The following TTC29 variants were observed in gnomAD, a reference collection of about 807,000 sequenced individuals.
TTC29 encodes the protein tetratricopeptide repeat protein 29.
In TTC29, 49 loss-of-function variants were observed where a neutral mutation model predicts 58.1. The ratio of observed to expected loss-of-function variants is 0.84; its 90% CI spans 0.67 to 1.07. TTC29 has a LOEUF of 1.07. TTC29 is among the 50% of genes least tolerant of loss of function. TTC29 has a pLI of 0.00. For missense variants in TTC29, 582 were observed against 555.6 expected (o/e 1.05, Z -0.48); for synonymous variants, 209 against 196.8 (o/e 1.06, Z -0.52).
chr4:146,817,312 T>C (rs1396433523), intron 10 of TTC29, among the ~76,000 whole-genome samples: 1 of 152,204 alleles, frequency 6.6e-6, no homozygotes, highest in Non-Finnish European at 1.5e-5. Flanking sequence ...AGCCAAATCA[T>C]GAATGAACTC....
At chr4:146,937,076 T>C (rs1735891795) in intron 4 of TTC29, among the ~76,000 whole-genome samples, 1 of 152,040 alleles carries the variant, frequency 6.6e-6, no homozygotes, top group Non-Finnish European at 1.5e-5. Flanking sequence ...TAACTGGTGA[T>C]AAAATGTCAA....
intron 11 of TTC29, among the ~76,000 whole-genome samples, chr4:146,750,300 C>A (rs1329848243): frequency 6.6e-6 from 1 of 152,194 alleles, no homozygotes; most frequent in Admixed American, 6.5e-5. Context: ...AGCCACTGCG[C>A]CCGGCCCTAT....
chr4:146,821,690 C>T (rs1006475686), intron 9 of TTC29, among the ~76,000 whole-genome samples: 3 of 152,156 alleles, frequency 2.0e-5, no homozygotes, highest in African/African-American at 7.2e-5. Context: ...AGCTAAGCAT[C>T]CAGGTAAACT....
intron 4 of TTC29, among the ~76,000 whole-genome samples, chr4:146,928,941 C>T (rs141393896): frequency 0.02 from 3,076 of 152,118 alleles, 47 homozygotes; most frequent in Non-Finnish European, 0.034. Context: ...ATTATTCTGA[C>T]CAAATAACTT....
At chr4:146,798,902 A>AAG (rs1336950064) in intron 11 of TTC29, among the ~76,000 whole-genome samples, 1 of 150,918 alleles carries the variant, frequency 6.6e-6, no homozygotes, top group Admixed American at 6.6e-5. Context: ...AAAAAAAAAA[A>AAG]AAAAAAAAAA....
At chr4:146,921,699 A>T (rs1734592089) in intron 4 of TTC29, among the ~76,000 whole-genome samples, 1 of 151,250 alleles carries the variant, frequency 6.6e-6, no homozygotes, top group African/African-American at 2.4e-5. Context: ...GAAGACATCG[A>T]TTTTAATTTT....
intron 6 of TTC29, among the ~76,000 whole-genome samples, chr4:146,878,126 G>A (rs886557197): frequency 6.6e-6 from 1 of 152,158 alleles, no homozygotes; most frequent in Non-Finnish European, 1.5e-5. Context: ...AATGAAGTGA[G>A]GATGGTCCTC....
rs117798217 is a variant in TTC29, at chr4:146,827,083, C to A, written c.977+6723G>T. On this transcript the variant is annotated intron_variant, in intron 9 of 12. Coordinates refer to ENST00000325106, the MANE Select transcript of TTC29 (RefSeq NM_031956.4). The stretch of plus-strand genomic sequence containing the variant: ...CTCATCGTAGTTTTTTATTACCTAT[C>A]TTCTGTAGCCTACTTCTGCCACTTC... Among the ~76,000 whole-genome samples the A allele has an allele frequency of 8.8e-4, 134 of 152,160 alleles. 1 individual carries two copies. The East Asian group carries it at 0.024, about 27-fold the overall frequency.
intron 11 of TTC29, among the ~76,000 whole-genome samples, chr4:146,753,741 C>T (rs933484202): frequency 4.6e-5 from 7 of 152,154 alleles, no homozygotes; most frequent in African/African-American, 1.7e-4. Flanking sequence ...ATGATGAGTT[C>T]ATGTCCTTTG....
At chr4:146,827,831 C>T (rs1328590367) in intron 9 of TTC29, among the ~76,000 whole-genome samples, 3 of 152,178 alleles carry the variant, frequency 2.0e-5, no homozygotes, top group Non-Finnish European at 2.9e-5. Flanking sequence ...GAGGCAAATT[C>T]AATTTAGCTA....
intron 11 of TTC29, among the ~76,000 whole-genome samples, chr4:146,727,260 G>A (rs1044517397): frequency 6.6e-6 from 1 of 152,140 alleles, no homozygotes; most frequent in East Asian, 1.9e-4. Context: ...AAAGTACAGA[G>A]TTCCCATATA....
intron 9 of TTC29, among the ~76,000 whole-genome samples, chr4:146,831,300 T>G (rs1233548014): frequency 1.3e-5 from 2 of 152,186 alleles, no homozygotes; most frequent in East Asian, 3.8e-4. Flanking sequence ...GTTCTCACTA[T>G]GTGGCCCAGG....
chr4:146,825,616 G>A (rs1727737073), intron 9 of TTC29, among the ~76,000 whole-genome samples: 1 of 152,144 alleles, frequency 6.6e-6, no homozygotes, highest in African/African-American at 2.4e-5. Context: ...TGTCTACTAG[G>A]TCCACTTGAT....
rs72733715 is a variant in TTC29, at chr4:146,863,953, C to T, written c.885+3545G>A. On this transcript the variant is annotated intron_variant, in intron 8 of 12. Transcript: ENST00000325106. ...AGGCCATCTGCTTTACTCAATCCAC[C>T]GATTCAAATGCTAATCTTCTCCAGA... Among the ~76,000 whole-genome samples the T allele has an allele frequency of 6.7e-3, 1,020 of 152,246 alleles. 5 individuals are homozygous for T. Among genetic ancestry groups the T allele is most frequent in the Non-Finnish European group, 0.011 (766 of 68,026 alleles).
rs1157365520 is a variant in TTC29 at position 146,707,640 on chromosome 4, A to T, written c.1331-89T>A. On this transcript the variant is annotated intron_variant, in intron 11 of 12. Transcript: ENST00000325106. ...TGAACCTGGGAATCCCTTTTCAGGG[A>T]TATCTGTCCTTATCACCTATAAGAT... The T allele has an allele frequency of 1.0e-5, 9 of 901,218 alleles. No homozygotes were observed. In the East Asian group the frequency reaches 2.3e-4, roughly 23 times the overall value. The allele number at this position is 901,218 out of a possible 1,614,324, so 55.8% of individuals were successfully genotyped here. A position where few individuals can be genotyped will look rare whatever the true frequency, so the allele number is the denominator to read the frequency against.
intron 8 of TTC29, among the ~76,000 whole-genome samples, chr4:146,850,654 T>G (rs576071982): frequency 1.3e-5 from 2 of 152,346 alleles, no homozygotes; most frequent in East Asian, 3.9e-4. Flanking sequence ...AAACCCATTT[T>G]GAAGATCCTA....
intron 6 of TTC29, 29 bp from the exon 7 acceptor site, chr4:146,874,957 A>G: frequency 6.3e-7 from 1 of 1,584,392 alleles, no homozygotes; most frequent in African/African-American, 1.3e-5. Context: ...TCATAAGTAT[A>G]AACCAGAGGA....
At chr4:146,872,767 A>G (rs888313524) in intron 7 of TTC29, among the ~76,000 whole-genome samples, 3 of 152,086 alleles carry the variant, frequency 2.0e-5, no homozygotes, top group African/African-American at 7.2e-5. Flanking sequence ...CTAAACTTAA[A>G]CCCTCACATA....
intron 11 of TTC29, among the ~76,000 whole-genome samples, chr4:146,778,976 C>CAAAGAAAAAAAAAAAAAAAAA (rs1748342111): frequency 3.5e-5 from 1 of 28,536 alleles, no homozygotes; most frequent in Non-Finnish European, 5.3e-5. Flanking sequence ...CCTAAATAAG[C>CAAAGAAAAAAAAAAAAAAAAA]AAAAAAAAAA....
Sources: allele counts gnomAD v4.1 joint callset (sites outside exome capture counted in the v4.1 genomes callset), GRCh38; gene constraint gnomAD v4.1.1; transcripts MANE v1.5; gene names NCBI Gene and HGNC (gene_info 2026-07-23, HGNC 2026-07-21).